The following SARS2 variants were observed in gnomAD, a reference collection of about 807,000 sequenced individuals.
SARS2 encodes the protein seryl-tRNA synthetase 2, mitochondrial.
Under a neutral mutation model 66.8 loss-of-function variants are expected in SARS2, and 52 were observed. The ratio of observed to expected loss-of-function variants is 0.78; its 90% CI spans 0.62 to 0.98. The LOEUF (loss-of-function observed/expected upper bound fraction) is 0.98. SARS2 is among the 50% of genes least tolerant of loss of function. The pLI is 0.00. For missense variants in SARS2, 673 were observed against 706.3 expected (o/e 0.95, Z 0.53); for synonymous variants, 306 against 281.4 (o/e 1.09, Z -0.87).
Position 38,915,839 on chromosome 19 carries a change from A to G in SARS2, c.1413+2T>C. On this transcript the variant is annotated splice_donor_variant, in intron 15 of 15. Transcript: ENST00000221431. LOFTEE classifies it high-confidence loss of function. ...CTCTGGGTGGGCCCCTCAGCCCCTC[A>G]CCTTCTGCTGGTTACTCTCCAGGAG... The G allele has an allele frequency of 6.2e-7, 1 of 1,613,526 alleles. No individual in the cohort carries two copies. The highest frequency in any genetic ancestry group is 8.5e-7 in the Non-Finnish European group (1 of 1,179,954).
At chr19:38,921,776 T>C (rs1242230327) in intron 3 of SARS2, 109 bp from the exon 4 acceptor site, 3 of 1,478,520 alleles carry the variant, frequency 2.0e-6, no homozygotes, top group Non-Finnish European at 2.8e-6. Flanking sequence ...TCATGCCTCT[T>C]CTCCAGGCCC....
chr19:38,930,607 G>C lies in SARS2; in HGVS notation c.130C>G (p.Leu44Val). The C allele has an allele frequency of 6.2e-7, 1 of 1,614,128 alleles. No homozygotes were observed. The highest frequency in any genetic ancestry group is 8.5e-7 in the Non-Finnish European group (1 of 1,180,038). The stretch of plus-strand genomic sequence containing the variant: ...TAGCCCTCGCGCGCATACTCGTACA[G>C]GAGGTTCCGGTTTCGTTTCTCTGTA... ...FTTEKRNRNL[L>V]YEYAREGYSA... The change falls in exon 1 of 16, where the codon CTG becomes GTG. Residue 44 changes from leucine (L) to valine (V), a missense_variant. Leu to Val is a conservative substitution (Grantham distance 32). Coordinates refer to ENST00000221431, the MANE Select transcript of SARS2 (RefSeq NM_017827.4).
chr19:38,920,607 G>A (rs1335857539), intron 5 of SARS2, among the ~76,000 whole-genome samples: 1 of 147,168 alleles, frequency 6.8e-6, no homozygotes, highest in Non-Finnish European at 1.5e-5. Flanking sequence ...ACACACAGAG[G>A]TACGAAGACA....
rs1251351349 is a variant in SARS2, at chr19:38,916,203, C to G, written c.1254+18G>C. ...CCTGTCCTCCTGCCCACCCCGTCCC[C>G]AGCGGCACAGGGCTCACCTCTCCAA... On this transcript the variant is annotated intron_variant, in intron 13 of 15. Coordinates refer to ENST00000221431, the MANE Select transcript of SARS2 (RefSeq NM_017827.4). 4 of 1,613,638 alleles carry G rather than the reference C, an allele frequency of 2.5e-6. No homozygotes were observed. Among genetic ancestry groups the G allele is most frequent in the Non-Finnish European group, 3.4e-6 (4 of 1,179,626 alleles).
At chr19:38,924,135 A>AAG (rs1051596652) in intron 2 of SARS2, among the ~76,000 whole-genome samples, 3 of 151,910 alleles carry the variant, frequency 2.0e-5, no homozygotes, top group Non-Finnish European at 4.4e-5. Flanking sequence ...CTGTCTCAAA[A>AAG]AAAAAAAAGA....
chr19:38,920,270 G>A (rs1974496196), intron 5 of SARS2, 121 bp from the exon 6 acceptor site: 3 of 771,024 alleles, frequency 3.9e-6, no homozygotes, highest in South Asian at 1.5e-5. Flanking sequence ...AGGGGCAGGA[G>A]GAGAGAAGGG....
At chr19:38,923,209 C>A (rs541074863) in intron 2 of SARS2, among the ~76,000 whole-genome samples, 121 of 111,596 alleles carry the variant, frequency 1.1e-3, no homozygotes, top group Non-Finnish European at 1.8e-3. Context: ...CCAGCCTGAT[C>A]TCAGGTTTTC....
chr19:38,916,664 GT>G (rs71165593), intron 12 of SARS2, among the ~76,000 whole-genome samples: 21 of 133,820 alleles, frequency 1.6e-4, no homozygotes, highest in Non-Finnish European at 2.5e-4. Context: ...GGCACCCTCG[GT>G]TTTTTTTTTT....
In SARS2 at chr19:38,917,906, C is replaced by T. The variant is rs757454615; in HGVS notation, c.1050+15G>A. Reference sequence around the variant, plus strand: ...GCCCCCCACCCCAGCCCCGTTTAGTCCCAGCGACACCAGCCTTGGTGAAGT... The same window carrying T: ...GCCCCCCACCCCAGCCCCGTTTAGTTCCAGCGACACCAGCCTTGGTGAAGT... On this transcript the variant is annotated intron_variant, in intron 11 of 15. Transcript: ENST00000221431. 10 of 1,612,840 alleles carry T rather than the reference C, an allele frequency of 6.2e-6. No homozygotes were observed. The African/African-American group carries it at 1.3e-4, about 22-fold the overall frequency.
At position 38,915,296 on chromosome 19, in the gene SARS2, G is replaced by T. The variant is rs549677997; in HGVS notation, c.*310C>A. The T allele has an allele frequency of 6.9e-5, 36 of 518,304 alleles. No individual in the cohort carries two copies. The highest frequency in any genetic ancestry group is 6.6e-4 in the African/African-American group (35 of 52,688). The allele number at this position is 518,304 out of a possible 1,614,324, so 32.1% of individuals were successfully genotyped here. The stretch of plus-strand genomic sequence containing the variant: ...CCTGACCATTTATTGGGGACTTTTT[G>T]CTCAGCACTGTAGGAGGAAAGAAGG... On this transcript the variant is annotated 3_prime_UTR_variant, in exon 16 of 16. Coordinates refer to ENST00000221431, the MANE Select transcript of SARS2 (RefSeq NM_017827.4).
intron 2 of SARS2, among the ~76,000 whole-genome samples, chr19:38,924,145 A>ATT (rs1458642412): frequency 6.7e-6 from 1 of 148,504 alleles, no homozygotes; most frequent in African/African-American, 2.5e-5. Context: ...AAAAAAAAAG[A>ATT]AGAAAATGGA....
intron 2 of SARS2, among the ~76,000 whole-genome samples, chr19:38,922,484 AG>A (rs1974555293): frequency 6.6e-6 from 1 of 152,236 alleles, no homozygotes; most frequent in Admixed American, 6.5e-5. Context: ...AGATCCGTAT[AG>A]GAAGTGATGC....
In SARS2 at chr19:38,918,018, A is replaced by G. The variant is rs749126576; in HGVS notation, c.963-10T>C. 13 of 1,600,332 alleles carry G rather than the reference A, an allele frequency of 8.1e-6. No individual in the cohort carries two copies. The highest frequency in any genetic ancestry group is 1.0e-5 in the Non-Finnish European group (12 of 1,173,326). On this transcript the variant is annotated splice_polypyrimidine_tract_variant and intron_variant, in intron 10 of 15. Transcript: ENST00000221431. ...GCTGGAGCAAACCATCCTGGCAGAG[A>G]GCAGGGAAAGTCGGGTCAAGGAGGG...
chr19:38,925,455 C>A, intron 2 of SARS2, among the ~76,000 whole-genome samples: 1 of 152,288 alleles, frequency 6.6e-6, no homozygotes, highest in East Asian at 1.9e-4. Flanking sequence ...TGCCGGCTGC[C>A]GGAACTCCAT....
chr19:38,917,926 T>C lies in SARS2; in HGVS notation c.1045A>G (p.Thr349Ala), dbSNP rs1356496047. 9 of 1,612,014 alleles carry C rather than the reference T, an allele frequency of 5.6e-6. No individual in the cohort carries two copies. The highest frequency in any genetic ancestry group is 7.6e-6 in the Non-Finnish European group (9 of 1,179,000). ...TTAGTCCCAGCGACACCAGCCTTGGTGAAGTGGTGTACTCGATACAGCCCC... is the reference window on the plus strand; with the variant it reads ...TTAGTCCCAGCGACACCAGCCTTGGCGAAGTGGTGTACTCGATACAGCCCC... ...PRGLYRVHHF[T>A]KVEMFGVTGP... Residue 349 changes from threonine (T) to alanine (A), a missense_variant, in exon 11 of 16, where the codon ACC becomes GCC. Transcript: ENST00000221431.
At chr19:38,920,920 G>C (rs1247586752) in intron 5 of SARS2, among the ~76,000 whole-genome samples, 6 of 146,178 alleles carry the variant, frequency 4.1e-5, no homozygotes, top group South Asian at 2.2e-4. Flanking sequence ...TACACACACA[G>C]AGATAGACAC....
intron 7 of SARS2, 87 bp downstream of exon 7, chr19:38,919,675 G>A (rs1392685227): frequency 2.0e-6 from 2 of 981,168 alleles, no homozygotes; most frequent in African/African-American, 3.2e-5. Context: ...CTAGGGCAGA[G>A]CAGAGATCAC....
Position 38,926,257 on chromosome 19 carries a change from C to G in SARS2, c.311G>C (p.Arg104Pro). Residue 104 changes from arginine (R) to proline (P), a missense_variant, in exon 2 of 16, where the codon CGG (arginine) becomes CCG (proline). By Grantham distance (103) the Arg-to-Pro change is moderately radical. Coordinates refer to ENST00000221431, the MANE Select transcript of SARS2 (RefSeq NM_017827.4). ...QELRQLQEQI[R>P]SLEEEKAAVT... Reference sequence around the variant, plus strand: ...AGCTGCCTTCTCTTCCTCCAGGCTCCGGATCTGCTCCTGCAGCTGCCTCAG... The same window carrying G: ...AGCTGCCTTCTCTTCCTCCAGGCTCGGGATCTGCTCCTGCAGCTGCCTCAG... 6.2e-7 allele frequency: 1 copy of G among 1,606,068 alleles called. No homozygotes were observed.
At chr19:38,926,542 T>G (rs1369328398) in intron 1 of SARS2, among the ~76,000 whole-genome samples, 3 of 152,174 alleles carry the variant, frequency 2.0e-5, no homozygotes, top group African/African-American at 4.8e-5. Flanking sequence ...TCCCAGCACT[T>G]TGGGAGGCCA....
Sources: allele counts gnomAD v4.1 joint callset (sites outside exome capture counted in the v4.1 genomes callset), GRCh38; gene constraint gnomAD v4.1.1; transcripts MANE v1.5; gene names NCBI Gene and HGNC (gene_info 2026-07-23, HGNC 2026-07-21).